DLG2: variants seen among roughly 807,000 people sequenced by gnomAD.
DLG2 encodes the protein discs large MAGUK scaffold protein 2.
Under a neutral mutation model 132.5 loss-of-function variants are expected in DLG2, and 45 were observed. The ratio of observed to expected loss-of-function variants is 0.34; its 90% confidence interval spans 0.27 to 0.44. The LOEUF is 0.44. DLG2 is among the 20% of genes least tolerant of loss of function. The pLI is 1.00. For synonymous variants in DLG2, 424 were observed against 419.6 expected, an observed-to-expected ratio of 1.01 and a Z score of -0.13; for missense variants, 1,045 against 1,196.9, an observed-to-expected ratio of 0.87 and a Z score of 1.87.
chr11:85,104,834 T>A (rs1266179151), intron 6 of DLG2, among the ~76,000 whole-genome samples: 1 of 144,208 alleles, frequency 6.9e-6, no homozygotes, highest in African/African-American at 2.6e-5. Context: ...TAAAGTTTTA[T>A]ATTCATTCTG....
chr11:83,529,491 C>G (rs1184768303), intron 21 of DLG2, among the ~76,000 whole-genome samples: 1 of 152,050 alleles, frequency 6.6e-6, no homozygotes, highest in African/African-American at 2.4e-5. Flanking sequence ...TAACGTAAGG[C>G]ACCTTAAAAA....
intron 6 of DLG2, among the ~76,000 whole-genome samples, chr11:84,556,664 G>A (rs1163499351): frequency 1.3e-5 from 2 of 152,184 alleles, no homozygotes; most frequent in Non-Finnish European, 2.9e-5. Context: ...AGAGGGTGAA[G>A]AGCCTCTGTT....
chr11:83,471,615 A>G lies in DLG2; in HGVS notation c.2446+11T>C. The G allele has an allele frequency of 6.2e-7, 1 of 1,601,030 alleles. No homozygotes were observed. Among genetic ancestry groups the G allele is most frequent in the Non-Finnish European group, 8.6e-7 (1 of 1,168,724 alleles). ...TTTGTTTTTCCTAGAGGAAAGAAAA[A>G]TGACACTTACGAGGCACACAGGAGC... On this transcript the variant is annotated intron_variant, in intron 24 of 27. Coordinates refer to ENST00000376104, the MANE Select transcript of DLG2 (RefSeq NM_001142699.3).
chr11:83,513,858 T>C (rs1427723391), intron 21 of DLG2, among the ~76,000 whole-genome samples: 1 of 152,238 alleles, frequency 6.6e-6, no homozygotes, highest in Non-Finnish European at 1.5e-5. Context: ...GCATTATTTC[T>C]GAGGGCTCTG....
intron 11 of DLG2, among the ~76,000 whole-genome samples, chr11:83,990,694 T>C (rs1193704268): frequency 6.6e-6 from 1 of 152,186 alleles, no homozygotes; most frequent in Non-Finnish European, 1.5e-5. Context: ...AATCATTCAG[T>C]GAATTGGTTC....
chr11:85,191,162 G>GCACACACA (rs3067460), intron 4 of DLG2, among the ~76,000 whole-genome samples: 2,704 of 139,852 alleles, frequency 0.019, 37 homozygotes, highest in Middle Eastern at 0.03. Flanking sequence ...GCGCACGCGC[G>GCACACACA]CACACACACA....
At position 85,612,891 on chromosome 11, in the gene DLG2, G is replaced by T. The variant is rs563975673; in HGVS notation, c.-93+13696C>A. Among the ~76,000 whole-genome samples, 4 of 152,244 alleles carry T rather than the reference G, an allele frequency of 2.6e-5. No individual in the cohort carries two copies. In the South Asian group the frequency reaches 8.3e-4, roughly 32 times the overall value. On this transcript the variant is annotated intron_variant, in intron 2 of 27. Transcript: ENST00000376104. ...GAAATAACAAAATCTATCCAGTAAG[G>T]ATAGTAACCACAACCCCAAACAGAC...
chr11:84,391,180 A>C lies in DLG2; in HGVS notation c.520-139889T>G, dbSNP rs189434406. 1.2e-3 allele frequency among the ~76,000 whole-genome samples: 188 copies of C among 152,338 alleles called. 2 individuals are homozygous for C. Among genetic ancestry groups the C allele is most frequent in the South Asian group, 7.0e-3 (34 of 4,824 alleles). ...CTCATCAGTAGGAAACTACTTAATA[A>C]GTTATGCTACATTCATACAGGGAAA... is the stretch of plus-strand genomic sequence containing the variant. On this transcript the variant is annotated intron_variant, in intron 7 of 27. Transcript: ENST00000376104.
At chr11:85,124,909 C>T (rs1259424653) in intron 5 of DLG2, among the ~76,000 whole-genome samples, 1 of 151,612 alleles carries the variant, frequency 6.6e-6, no homozygotes, top group African/African-American at 2.4e-5. Flanking sequence ...TGGCTCACTG[C>T]AAGCTCCGCC....
intron 10 of DLG2, among the ~76,000 whole-genome samples, chr11:84,066,415 A>C (rs1341134041): frequency 6.6e-6 from 1 of 152,096 alleles, no homozygotes; most frequent in Non-Finnish European, 1.5e-5. Flanking sequence ...CAGCACACTT[A>C]ACTCAACCAC....
chr11:84,770,562 G>T (rs2069156465), intron 6 of DLG2, among the ~76,000 whole-genome samples: 2 of 151,702 alleles, frequency 1.3e-5, no homozygotes, highest in African/African-American at 2.4e-5. Flanking sequence ...TGCAGTATTT[G>T]GTTTTCTATT....
chr11:85,066,533 AAAATTCTC>A (rs1415096478), intron 6 of DLG2, among the ~76,000 whole-genome samples: 1 of 151,784 alleles, frequency 6.6e-6, no homozygotes. Context: ...GATAGAGGCA[AAAATTCTC>A]AACAAAATAC....
intron 3 of DLG2, among the ~76,000 whole-genome samples, chr11:85,418,409 G>A (rs1275903271): frequency 6.6e-6 from 1 of 152,194 alleles, no homozygotes; most frequent in Admixed American, 6.5e-5. Flanking sequence ...TGAGAAGAAT[G>A]TATATTCTGT....
intron 6 of DLG2, among the ~76,000 whole-genome samples, chr11:84,590,269 A>T (rs750195338): frequency 7.9e-5 from 12 of 152,336 alleles, no homozygotes; most frequent in Middle Eastern, 3.4e-3. Flanking sequence ...AACTTGCCAC[A>T]ATTATTGCTG....
At chr11:83,541,611 C>A in intron 20 of DLG2, 71 bp downstream of exon 20, 1 of 1,317,934 alleles carries the variant, frequency 7.6e-7, no homozygotes. Flanking sequence ...TTTCTCCCAC[C>A]TTCTTCTTCC....
chr11:84,934,276 G>A (rs2048424461), intron 6 of DLG2, among the ~76,000 whole-genome samples: 1 of 151,886 alleles, frequency 6.6e-6, no homozygotes. Flanking sequence ...CAGTTTGCTA[G>A]TATTTTGTTG....
intron 7 of DLG2, among the ~76,000 whole-genome samples, chr11:84,398,877 A>T (rs1481609442): frequency 6.6e-6 from 1 of 152,232 alleles, no homozygotes; most frequent in Non-Finnish European, 1.5e-5. Flanking sequence ...CTGTGGACTC[A>T]AAACACTCTC....
intron 6 of DLG2, among the ~76,000 whole-genome samples, chr11:84,793,652 A>G (rs1302811841): frequency 8.5e-5 from 13 of 152,174 alleles, no homozygotes; most frequent in African/African-American, 2.9e-4. Flanking sequence ...ATCATTATAT[A>G]ATTACCTTCC....
intron 3 of DLG2, among the ~76,000 whole-genome samples, chr11:85,423,778 T>C (rs1317603030): frequency 6.6e-6 from 1 of 152,164 alleles, no homozygotes; most frequent in East Asian, 1.9e-4. Context: ...ACACCCACCA[T>C]GCCCCCACCA....
Sources: gnomAD v4.1 joint callset for allele counts (sites outside exome capture counted in the v4.1 genomes callset) on GRCh38, gnomAD v4.1.1 for gene constraint, MANE v1.5 for transcripts, NCBI Gene and HGNC (gene_info 2026-07-23, HGNC 2026-07-21) for gene names.